Variants in PRMT7 observed in about 807,000 individuals in gnomAD.
The protein encoded by PRMT7 is protein arginine methyltransferase 7.
PRMT7 carries 75 observed loss-of-function variants against 85.4 expected under a neutral mutation model. The ratio of observed to expected loss-of-function variants is 0.88; its 90% confidence interval spans 0.73 to 1.06. PRMT7 has a LOEUF of 1.06. Ranked by LOEUF, PRMT7 falls within the 50% of genes least tolerant of loss-of-function variation. The probability of loss-of-function intolerance (pLI) is 0.00; values close to 1 mark genes in which losing one functional copy is unlikely to be tolerated. For synonymous variants in PRMT7, 397 were observed against 359.5 expected, an observed-to-expected ratio of 1.10 and a Z score of -1.18; for missense variants, 868 against 915.2, an observed-to-expected ratio of 0.95 and a Z score of 0.67.
chr16:68,311,725 C>T (rs918606464), intron 1 of PRMT7: 1 of 151,968 alleles, frequency 6.6e-6, no homozygotes, highest in East Asian at 1.9e-4. Flanking sequence ...TACCTTAGGG[C>T]CTTTTCTTGG....
chr16:68,353,725 G>C (rs1005711513), intron 16 of PRMT7, among the ~76,000 whole-genome samples, 159 bp downstream of exon 16: 1 of 152,210 alleles, frequency 6.6e-6, no homozygotes, highest in Non-Finnish European at 1.5e-5. Context: ...CTTGGTACCA[G>C]CCCTGTTCTT....
At chr16:68,316,716 A>C (rs2081902506) in intron 3 of PRMT7, 1 of 152,556 alleles carries the variant, frequency 6.6e-6, no homozygotes. Context: ...TGTTGAGCCG[A>C]GATCGAGCCA....
intron 14 of PRMT7, among the ~76,000 whole-genome samples, chr16:68,349,347 G>A (rs944575108): frequency 2.0e-5 from 3 of 152,020 alleles, no homozygotes; most frequent in Admixed American, 6.6e-5. Flanking sequence ...CATCAGAGCC[G>A]GCCTTCACTC....
At chr16:68,358,588 C>T, downstream of PRMT7, 1 of 152,670 alleles carries the variant, frequency 6.6e-6, no homozygotes, top group East Asian at 1.9e-4. Flanking sequence ...AACAGTATTT[C>T]TAAATCTCAG....
intron 14 of PRMT7, among the ~76,000 whole-genome samples, chr16:68,350,059 T>C (rs1010823289): frequency 6.6e-6 from 1 of 152,222 alleles, no homozygotes; most frequent in African/African-American, 2.4e-5. Context: ...GTACGCAGTG[T>C]GTGGTCTTGT....
At chr16:68,353,886 G>A (rs2087831565) in intron 16 of PRMT7, among the ~76,000 whole-genome samples, 1 of 152,220 alleles carries the variant, frequency 6.6e-6, no homozygotes, top group Non-Finnish European at 1.5e-5. Context: ...CATTTCCATG[G>A]TGGGGGCTCC....
At chr16:68,324,188 G>A (rs1280544256) in intron 4 of PRMT7, 1 of 156,350 alleles carries the variant, frequency 6.4e-6, no homozygotes, top group African/African-American at 2.4e-5. Flanking sequence ...GAAGCCACAA[G>A]CATTGAGGAG....
chr16:68,352,462 C>T (rs2087556073), intron 15 of PRMT7, 53 bp downstream of exon 15: 2 of 1,540,228 alleles, frequency 1.3e-6, no homozygotes, highest in Non-Finnish European at 1.7e-6. Flanking sequence ...GGGTGGGGAA[C>T]CTTGTTTTCT....
At chr16:68,311,588 G>C (rs2043709864) in intron 1 of PRMT7, 1 of 152,534 alleles carries the variant, frequency 6.6e-6, no homozygotes, top group South Asian at 2.0e-4. Context: ...ACGCCTTTCC[G>C]AAGTCGACAA....
At chr16:68,320,815 G>A (rs532827288) in intron 3 of PRMT7, among the ~76,000 whole-genome samples, 3 of 152,252 alleles carry the variant, frequency 2.0e-5, no homozygotes, top group African/African-American at 4.8e-5. Context: ...TTAAAATAAA[G>A]TGGCCAGGTG....
Position 68,357,314 on chromosome 16 carries a change from C to T in PRMT7, c.*90C>T. On this transcript the variant is annotated 3_prime_UTR_variant, in exon 19 of 19. Transcript: ENST00000441236. Reference sequence around the variant, plus strand: ...GGAAGGCTGAAGGCCCTCCTCTCCTCTCTGGGAGCTGCTCGGCCTCAGGGA... The same window carrying T: ...GGAAGGCTGAAGGCCCTCCTCTCCTTTCTGGGAGCTGCTCGGCCTCAGGGA... 1.5e-6 allele frequency: 2 copies of T among 1,359,906 alleles called. No homozygotes were observed. The highest frequency in any genetic ancestry group is 2.0e-6 in the Non-Finnish European group (2 of 995,276). The allele number at this position is 1,359,906 out of a possible 1,614,324, so 84.2% of individuals were successfully genotyped here.
chr16:68,348,031 G>C (rs2086666678), intron 13 of PRMT7, among the ~76,000 whole-genome samples: 1 of 152,196 alleles, frequency 6.6e-6, no homozygotes, highest in Admixed American at 6.5e-5. Flanking sequence ...TCTCTCCCTG[G>C]CCAGTAACTG....
chr16:68,355,946 C>G, intron 17 of PRMT7, 63 bp downstream of exon 17: 19 of 1,445,246 alleles, frequency 1.3e-5, no homozygotes, highest in Non-Finnish European at 1.7e-5. Flanking sequence ...GTTCTCACCC[C>G]CGTGGTGAGC....
At chr16:68,359,381 C>G (rs2151965596), downstream of PRMT7, 1 of 152,732 alleles carries the variant, frequency 6.5e-6, no homozygotes, top group South Asian at 2.1e-4. Flanking sequence ...CTTCCTGGCT[C>G]TGGACTCTGG....
chr16:68,314,920 G>A (rs2044489030), intron 2 of PRMT7, among the ~76,000 whole-genome samples: 1 of 151,964 alleles, frequency 6.6e-6, no homozygotes, highest in Non-Finnish European at 1.5e-5. Context: ...TTTAAAAATT[G>A]CTTTTAAAAT....
intron 3 of PRMT7, 43 bp from the exon 4 acceptor site, chr16:68,321,383 T>C (rs1414119306): frequency 8.7e-6 from 13 of 1,500,598 alleles, no homozygotes; most frequent in Non-Finnish European, 1.2e-5. Context: ...TCTTGTGTGT[T>C]GATGTGTATC....
intron 18 of PRMT7, 75 bp from the exon 19 acceptor site, chr16:68,356,979 T>C: frequency 6.7e-7 from 1 of 1,498,676 alleles, no homozygotes; most frequent in Admixed American, 1.9e-5. Context: ...GCGAGCTGCC[T>C]GGGCTGGAGG....
chr16:68,338,438 TAAAG>T (rs1480386533), intron 7 of PRMT7, among the ~76,000 whole-genome samples: 3 of 151,758 alleles, frequency 2.0e-5, no homozygotes, highest in African/African-American at 7.3e-5. Context: ...TTGAGCTCTC[TAAAG>T]GTCAGCCAAG....
chr16:68,340,752 A>G (rs544506776), intron 9 of PRMT7, among the ~76,000 whole-genome samples: 1 of 152,206 alleles, frequency 6.6e-6, no homozygotes, highest in Non-Finnish European at 1.5e-5. Flanking sequence ...CTGCTTTCAG[A>G]CATGGGGCTG....
Sources: gnomAD v4.1 joint callset for allele counts (sites outside exome capture counted in the v4.1 genomes callset) on GRCh38, gnomAD v4.1.1 for gene constraint, MANE v1.5 for transcripts, NCBI Gene and HGNC (gene_info 2026-07-23, HGNC 2026-07-21) for gene names.